Variants in RBP2 observed in about 807,000 individuals in gnomAD.
The protein encoded by RBP2 is retinol binding protein 2, also known as retinol-binding protein 2.
Under a neutral mutation model 17.0 loss-of-function variants are expected in RBP2, and 17 were observed. The ratio of observed to expected loss-of-function variants is 1.00; its 90% CI spans 0.68 to 1.50. The LOEUF is 1.50. RBP2 is among the 40% of genes most tolerant of loss of function. The probability of loss-of-function intolerance (pLI) is 0.00; values close to 1 mark genes in which losing one functional copy is unlikely to be tolerated. For synonymous variants in RBP2, 48 were observed against 57.1 expected, an observed-to-expected ratio of 0.84 and a Z score of 0.72; for missense variants, 158 against 168.2, an observed-to-expected ratio of 0.94 and a Z score of 0.33.
At chr3:139,471,780 AC>A (rs1274648161) in intron 1 of RBP2, among the ~76,000 whole-genome samples, 2 of 151,994 alleles carry the variant, frequency 1.3e-5, no homozygotes, top group Non-Finnish European at 2.9e-5. Flanking sequence ...CTCCCTGTTC[AC>A]CCTTTCTGGG....
chr3:139,460,271 AG>A, intron 2 of RBP2, among the ~76,000 whole-genome samples: 1 of 152,322 alleles, frequency 6.6e-6, no homozygotes, highest in South Asian at 2.1e-4. Flanking sequence ...GGTTCAGAAA[AG>A]GCTTGTTGAT....
intron 2 of RBP2, among the ~76,000 whole-genome samples, chr3:139,457,558 A>G (rs1026309983): frequency 6.6e-6 from 1 of 152,238 alleles, no homozygotes; most frequent in African/African-American, 2.4e-5. Flanking sequence ...TTGGTTACCA[A>G]TAAATTATGA....
At chr3:139,456,955 T>C (rs6439860) in intron 2 of RBP2, among the ~76,000 whole-genome samples, 81,030 of 152,076 alleles carry the variant, frequency 0.53, 24,484 homozygotes, top group East Asian at 0.92. Flanking sequence ...TATCATGAGC[T>C]TTGGACTCTG....
At chr3:139,474,909 G>A (rs550142090) in intron 1 of RBP2, among the ~76,000 whole-genome samples, 1 of 152,258 alleles carries the variant, frequency 6.6e-6, no homozygotes, top group South Asian at 2.1e-4. Flanking sequence ...ACAGGGTTGA[G>A]GATGGGGCTC....
chr3:139,465,033 A>C (rs1418674641), intron 1 of RBP2, among the ~76,000 whole-genome samples: 1 of 152,246 alleles, frequency 6.6e-6, no homozygotes, highest in Non-Finnish European at 1.5e-5. Flanking sequence ...TGATGAAGTA[A>C]GACCTAGAGA....
chr3:139,469,196 ACTCT>A (rs533989931), intron 1 of RBP2, among the ~76,000 whole-genome samples: 1 of 152,206 alleles, frequency 6.6e-6, no homozygotes, highest in African/African-American at 2.4e-5. Flanking sequence ...AATCATTGGC[ACTCT>A]TAGGCAATTG....
intron 1 of RBP2, among the ~76,000 whole-genome samples, chr3:139,467,616 A>G (rs1400411123): frequency 6.6e-6 from 1 of 152,206 alleles, no homozygotes; most frequent in African/African-American, 2.4e-5. Context: ...GTGTGGATTC[A>G]GTAAAAATAA....
intron 1 of RBP2, among the ~76,000 whole-genome samples, chr3:139,469,337 C>T (rs756957803): frequency 5.9e-5 from 9 of 152,118 alleles, no homozygotes; most frequent in South Asian, 2.1e-4. Context: ...TTCTAGGCAC[C>T]GGGGGCAGGC....
chr3:139,475,040 G>A (rs1933688292), intron 1 of RBP2, among the ~76,000 whole-genome samples: 1 of 152,076 alleles, frequency 6.6e-6, no homozygotes, highest in African/African-American at 2.4e-5. Flanking sequence ...AACATGAAGA[G>A]GCCGGGTGCG....
intron 2 of RBP2, 33 bp downstream of exon 2, chr3:139,462,079 G>A (rs1222240251): frequency 5.3e-6 from 6 of 1,142,684 alleles, no homozygotes; most frequent in Non-Finnish European, 7.0e-6. Context: ...GGCACAGAAT[G>A]TGTGAATGAA....
At chr3:139,461,871 A>G (rs955621805) in intron 2 of RBP2, among the ~76,000 whole-genome samples, 1 of 152,148 alleles carries the variant, frequency 6.6e-6, no homozygotes, top group Admixed American at 6.5e-5. Context: ...CCATGGCTGT[A>G]TATGACTCAT....
intron 3 of RBP2, 31 bp from the exon 4 acceptor site, chr3:139,453,197 A>G (rs1369362916): frequency 1.9e-6 from 3 of 1,613,740 alleles, no homozygotes; most frequent in Non-Finnish European, 2.5e-6. Context: ...TGAGGGTCTA[A>G]CAAGCCAGGC....
intron 1 of RBP2, among the ~76,000 whole-genome samples, chr3:139,475,967 C>T (rs1933725311): frequency 6.6e-6 from 1 of 152,158 alleles, no homozygotes; most frequent in Admixed American, 6.5e-5. Context: ...TTTCTGCTTC[C>T]CCATTACAAA....
chr3:139,454,930 G>T (rs1458051868), intron 2 of RBP2, 100 bp from the exon 3 acceptor site: 9 of 1,201,016 alleles, frequency 7.5e-6, no homozygotes, highest in Non-Finnish European at 1.1e-5. Context: ...TCAGGGTCTT[G>T]CTTACTCGAA....
At chr3:139,463,684 AG>A (rs1046124611) in intron 1 of RBP2, among the ~76,000 whole-genome samples, 1 of 152,186 alleles carries the variant, frequency 6.6e-6, no homozygotes, top group Non-Finnish European at 1.5e-5. Flanking sequence ...CTAGAAAGAG[AG>A]GATAGTTCTG....
At chr3:139,454,980 A>G in intron 2 of RBP2, 150 bp from the exon 3 acceptor site, 1 of 697,368 alleles carries the variant, frequency 1.4e-6, no homozygotes, top group Non-Finnish European at 2.5e-6. Flanking sequence ...GATGCTTCCA[A>G]TGTCATTTTC....
At chr3:139,470,583 A>G (rs573056280) in intron 1 of RBP2, among the ~76,000 whole-genome samples, 3 of 151,752 alleles carry the variant, frequency 2.0e-5, no homozygotes, top group East Asian at 1.9e-4. Flanking sequence ...CCTTCTGCCT[A>G]CCTTTCTACT....
chr3:139,457,904 C>G (rs991339593), intron 2 of RBP2, among the ~76,000 whole-genome samples: 3 of 152,138 alleles, frequency 2.0e-5, no homozygotes, highest in Non-Finnish European at 4.4e-5. Flanking sequence ...TTAAAACAGC[C>G]CTTTATGATA....
chr3:139,468,357 A>G (rs1042714407), intron 1 of RBP2, among the ~76,000 whole-genome samples: 9 of 152,214 alleles, frequency 5.9e-5, no homozygotes, highest in Non-Finnish European at 1.3e-4. Flanking sequence ...AGAAAGGTAG[A>G]TCACAGTTAA....
Sources: allele counts gnomAD v4.1 joint callset (sites outside exome capture counted in the v4.1 genomes callset), GRCh38; gene constraint gnomAD v4.1.1; transcripts MANE v1.5; gene names NCBI Gene and HGNC (gene_info 2026-07-23, HGNC 2026-07-21).